The following SLC10A6 variants were observed in gnomAD, a reference collection of about 807,000 sequenced individuals.
The protein encoded by SLC10A6 is sodium-dependent organic anion transporter.
In SLC10A6, 27 loss-of-function variants were observed where a neutral mutation model predicts 30.0. The observed-to-expected ratio is 0.90, with a 90% CI of 0.66 to 1.24. The LOEUF (loss-of-function observed/expected upper bound fraction) is 1.24. SLC10A6 is among the 50% of genes most tolerant of loss of function. The pLI, the probability that SLC10A6 is intolerant of heterozygous loss-of-function variation, is 0.00. For missense variants in SLC10A6, 439 were observed against 457.0 expected (o/e 0.96, Z 0.36); for synonymous variants, 166 against 173.8 (o/e 0.95, Z 0.36).
At position 86,848,821 on chromosome 4, in the gene SLC10A6, C is replaced by T; in HGVS notation, c.295G>A (p.Ala99Thr). Residue 99 changes from alanine (A) to threonine (T), a missense_variant, in exon 1 of 6, where the codon GCT becomes ACT. Physicochemically the swap from Ala to Thr is moderately conservative, Grantham distance 58. Coordinates refer to ENST00000273905, the MANE Select transcript of SLC10A6 (RefSeq NM_197965.3). ...GGGCAGCAGCCCATGATGAGAACAG[C>T]AATAGCTTGGACTGGCTTCAGAGAA... Reference protein sequence around the residue: ...SFSLKPVQAIAVLIMGCCPGG... With the variant: ...SFSLKPVQAITVLIMGCCPGG... The T allele has an allele frequency of 3.7e-6, 6 of 1,614,104 alleles. No homozygotes were observed. In the African/African-American group the frequency reaches 8.0e-5, roughly 22 times the overall value.
Position 86,823,635 on chromosome 4 carries a change from G to C in SLC10A6, c.*53C>G. ...AAGATTCATGTGTCAGCTGCACACT[G>C]TCTTTACTGGCCACTGAAAAAGAAG... On this transcript the variant is annotated 3_prime_UTR_variant, in exon 6 of 6. Transcript: ENST00000273905. The C allele has an allele frequency of 7.0e-7, 1 of 1,435,260 alleles. No individual in the cohort carries two copies. The highest frequency in any genetic ancestry group is 9.5e-7 in the Non-Finnish European group (1 of 1,057,948). 88.9% of individuals were successfully genotyped at this position (1,435,260 alleles called of 1,614,324 possible).
rs1483352397 is a variant in SLC10A6, at chr4:86,825,573, T to C, written c.766A>G (p.Arg256Gly). The change falls in exon 5 of 6, where the codon AGG becomes GGG. Residue 256 changes from arginine (R) to glycine (G), a missense_variant. Physicochemically the swap from Arg to Gly is moderately radical, Grantham distance 125 (BLOSUM62 -2). Transcript: ENST00000273905. ...GCTCCAGTTTCTAAGGAAATTGTCC[T>C]GCACCTACCAAAAAGAAAATGTTTC... is the stretch of plus-strand genomic sequence containing the variant. The part of the protein sequence containing the change: ...LFTHQSWQRC[R>G]TISLETGAQN... The C allele has an allele frequency of 1.9e-6, 3 of 1,581,660 alleles. No individual in the cohort carries two copies. The highest frequency in any genetic ancestry group is 1.7e-6 in the Non-Finnish European group (2 of 1,154,352).
intron 2 of SLC10A6, among the ~76,000 whole-genome samples, chr4:86,832,992 A>T (rs1425938597): frequency 6.6e-6 from 1 of 152,116 alleles, no homozygotes; most frequent in African/African-American, 2.4e-5. Flanking sequence ...AAAGTAAATT[A>T]TCTGGCTTTC....
chr4:86,830,370 C>A (rs1448970616), intron 3 of SLC10A6, among the ~76,000 whole-genome samples: 1 of 152,108 alleles, frequency 6.6e-6, no homozygotes, highest in Non-Finnish European at 1.5e-5. Context: ...TGCACTCCAG[C>A]CTGAGTGACA....
At chr4:86,848,358 G>A (rs1578762416) in intron 1 of SLC10A6, among the ~76,000 whole-genome samples, 1 of 152,216 alleles carries the variant, frequency 6.6e-6, no homozygotes, top group Non-Finnish European at 1.5e-5. Context: ...ACACAACCAC[G>A]ACGGCTGCTA....
chr4:86,823,559 T>C lies in SLC10A6; in HGVS notation c.*129A>G, dbSNP rs1745917725. 9 of 714,440 alleles carry C rather than the reference T, an allele frequency of 1.3e-5. No individual in the cohort carries two copies. Among genetic ancestry groups the C allele is most frequent in the Non-Finnish European group, 1.8e-5 (8 of 454,464 alleles). The allele number at this position is 714,440 out of a possible 1,614,324, so 44.3% of individuals were successfully genotyped here. A position where few individuals can be genotyped will look rare whatever the true frequency, so the allele number is the denominator to read the frequency against. ...TCACAATTCACAATCCACATGAAAA[T>C]ATAAATATTCTAACATTGAACACTT... On this transcript the variant is annotated 3_prime_UTR_variant, in exon 6 of 6. Coordinates refer to ENST00000273905, the MANE Select transcript of SLC10A6 (RefSeq NM_197965.3).
chr4:86,832,361 T>G (rs1322893178), intron 2 of SLC10A6, among the ~76,000 whole-genome samples: 1 of 152,098 alleles, frequency 6.6e-6, no homozygotes, highest in East Asian at 1.9e-4. Context: ...TCCTAGCACT[T>G]TGGGAGGCCA....
intron 2 of SLC10A6, among the ~76,000 whole-genome samples, chr4:86,832,384 T>C (rs905474490): frequency 6.6e-6 from 1 of 152,052 alleles, no homozygotes; most frequent in Admixed American, 6.6e-5. Flanking sequence ...GTGGGTGGAC[T>C]GCCTGAGCTC....
intron 1 of SLC10A6, among the ~76,000 whole-genome samples, chr4:86,833,744 A>G (rs1304230883): frequency 3.3e-5 from 5 of 152,186 alleles, no homozygotes; most frequent in Non-Finnish European, 7.3e-5. Flanking sequence ...CATAAAATTC[A>G]TCATTTTAAA....
intron 1 of SLC10A6, among the ~76,000 whole-genome samples, chr4:86,838,514 T>C (rs1411807852): frequency 3.9e-5 from 6 of 152,254 alleles, no homozygotes; most frequent in African/African-American, 1.2e-4. Flanking sequence ...CTCCGTCATA[T>C]GTCACGTATC....
chr4:86,848,658 G>A (rs903669231), intron 1 of SLC10A6, 81 bp downstream of exon 1: 5 of 1,439,056 alleles, frequency 3.5e-6, no homozygotes, highest in African/African-American at 2.8e-5. Flanking sequence ...AAGATTAGAA[G>A]AGTGTTTAAC....
chr4:86,837,229 A>G (rs28694007), intron 1 of SLC10A6, among the ~76,000 whole-genome samples: 624 of 61,086 alleles, frequency 0.01, 4 homozygotes, highest in African/African-American at 0.032. Context: ...GAGAGAGAGA[A>G]AGAAAGAAAG....
rs771837791 is a variant in SLC10A6 at position 86,825,493 on chromosome 4, G to C, written c.846C>G (p.His282Gln). The C allele has an allele frequency of 1.9e-6, 3 of 1,613,142 alleles. No homozygotes were observed. The East Asian group carries it at 6.7e-5, about 36-fold the overall frequency. The change falls in exon 5 of 6, where the codon CAC becomes CAG. Residue 282 changes from histidine (H) to glutamine (Q), a missense_variant. Physicochemically the swap from His to Gln is conservative, Grantham distance 24 (BLOSUM62 0). Coordinates refer to ENST00000273905, the MANE Select transcript of SLC10A6 (RefSeq NM_197965.3). Reference sequence around the variant, plus strand: ...GTGGGAAACTCAACATCTGGACCAAGTGCTCAGCAGTGAAAGATAACTGGA... The same window carrying C: ...GTGGGAAACTCAACATCTGGACCAACTGCTCAGCAGTGAAAGATAACTGGA... ...TMLQLSFTAE[H>Q]LVQMLSFPLA... is the part of the protein sequence containing the mutation.
intron 1 of SLC10A6, among the ~76,000 whole-genome samples, chr4:86,833,965 A>C (rs1180451626): frequency 1.3e-5 from 2 of 152,162 alleles, no homozygotes; most frequent in East Asian, 1.9e-4. Flanking sequence ...AGAATCATAC[A>C]TGCAGCCTTT....
Position 86,833,297 on chromosome 4 carries a change from C to G in SLC10A6, c.496+9G>C, listed in dbSNP as rs1425419818. 1.5e-5 allele frequency: 23 copies of G among 1,584,294 alleles called. No individual in the cohort carries two copies. The highest frequency in any genetic ancestry group is 1.7e-5 in the Non-Finnish European group (20 of 1,153,312). Reference sequence around the variant, plus strand: ...CTGTTAGTCCTCCATTTCCCAGGCCCATACAGACCTATGTTCTGATAAGGA... The same window carrying G: ...CTGTTAGTCCTCCATTTCCCAGGCCGATACAGACCTATGTTCTGATAAGGA... On this transcript the variant is annotated intron_variant, in intron 2 of 5. Coordinates refer to ENST00000273905, the MANE Select transcript of SLC10A6 (RefSeq NM_197965.3).
At chr4:86,830,637 C>A (rs1434277472) in intron 3 of SLC10A6, among the ~76,000 whole-genome samples, 1 of 152,094 alleles carries the variant, frequency 6.6e-6, no homozygotes, top group East Asian at 1.9e-4. Flanking sequence ...AATGGTTTGG[C>A]CTTGTGCATA....
chr4:86,836,361 A>T lies in SLC10A6; in HGVS notation c.378-2937T>A, dbSNP rs150757709. ...CTATGGTCTGAATGTGTCCTCCAAA[A>T]TTCATAGGTTGGAAATCAAATCCCT... On this transcript the variant is annotated intron_variant, in intron 1 of 5. Coordinates refer to ENST00000273905, the MANE Select transcript of SLC10A6 (RefSeq NM_197965.3). Among the ~76,000 whole-genome samples, 5 of 152,324 alleles carry T rather than the reference A, an allele frequency of 3.3e-5. No individual in the cohort carries two copies. The East Asian group carries it at 9.6e-4, about 29-fold the overall frequency.
intron 1 of SLC10A6, among the ~76,000 whole-genome samples, chr4:86,839,051 T>G (rs975140656): frequency 2.0e-5 from 3 of 152,150 alleles, no homozygotes; most frequent in Admixed American, 6.5e-5. Flanking sequence ...TGTACATCCT[T>G]CTACTCTTTT....
At chr4:86,846,204 A>G (rs1368023325) in intron 1 of SLC10A6, among the ~76,000 whole-genome samples, 1 of 152,196 alleles carries the variant, frequency 6.6e-6, no homozygotes, top group East Asian at 1.9e-4. Context: ...ATTTTCACCT[A>G]TTTGAGTTTC....
Sources: gnomAD v4.1 joint callset for allele counts (sites outside exome capture counted in the v4.1 genomes callset) on GRCh38, gnomAD v4.1.1 for gene constraint, MANE v1.5 for transcripts, NCBI Gene and HGNC (gene_info 2026-07-23, HGNC 2026-07-21) for gene names.